Variants in ALG8 observed in about 807,000 individuals in gnomAD.
The protein encoded by ALG8 is ALG8 alpha-1,3-glucosyltransferase.
A neutral mutation model predicts 70.2 loss-of-function variants in ALG8; 48 were observed. That is an observed-to-expected ratio of 0.68 (90% CI 0.54 to 0.87). ALG8 has a LOEUF of 0.87. Ranked by LOEUF, ALG8 falls within the 40% of genes least tolerant of loss-of-function variation. The pLI is 0.00. For missense variants in ALG8, 572 were observed against 608.7 expected (o/e 0.94, Z 0.64); for synonymous variants, 234 against 229.0 (o/e 1.02, Z -0.20).
Position 78,106,936 on chromosome 11 carries a change from A to G in ALG8, c.1049T>C (p.Phe350Ser), listed in dbSNP as rs1565345623. ...CTLIAILPSIFCLWFKPQGPR... is the reference protein window; with the variant it reads ...CTLIAILPSISCLWFKPQGPR... Reference sequence around the variant, plus strand: ...CCCTTGGGGTTTAAACCAAAGACAGAAAATAGAGGGCTAGAAACAACAGGC... The same window carrying G: ...CCCTTGGGGTTTAAACCAAAGACAGGAAATAGAGGGCTAGAAACAACAGGC... Residue 350 changes from phenylalanine (F) to serine (S), a missense_variant, in exon 10 of 13, where the codon TTC becomes TCC. Phe to Ser is a radical substitution (Grantham distance 155). Transcript: ENST00000299626. 1 of 1,614,100 alleles carries G rather than the reference A, an allele frequency of 6.2e-7. No individual in the cohort carries two copies.
At position 78,131,123 on chromosome 11, in the gene ALG8, T is replaced by G. The variant is rs1319213381; in HGVS notation, c.96-3687A>C. The stretch of plus-strand genomic sequence containing the variant: ...AGTCTCTTTTTTGGGTGCTTTATTT[T>G]GTTGTTTCCTATTCAAAACTGTTGG... On this transcript the variant is annotated intron_variant, in intron 1 of 12. Coordinates refer to ENST00000299626, the MANE Select transcript of ALG8 (RefSeq NM_024079.5). Among the ~76,000 whole-genome samples, 4 of 148,110 alleles carry G rather than the reference T, an allele frequency of 2.7e-5. No homozygotes were observed. In the South Asian group the frequency reaches 8.5e-4, roughly 32 times the overall value.
intron 7 of ALG8, among the ~76,000 whole-genome samples, chr11:78,113,682 C>G (rs960167225): frequency 6.8e-6 from 1 of 147,848 alleles, no homozygotes; most frequent in Non-Finnish European, 1.5e-5. Flanking sequence ...CACTGCATTC[C>G]AGCCTGGGCG....
chr11:78,139,106 C>A, intron 1 of ALG8: 1 of 357,224 alleles, frequency 2.8e-6, no homozygotes, highest in South Asian at 2.4e-5. Context: ...CTCCACCCAC[C>A]AACTTCGAGG....
intron 4 of ALG8, 108 bp from the exon 5 acceptor site, chr11:78,119,357 A>G (rs562281844): frequency 2.6e-6 from 2 of 761,170 alleles, no homozygotes; most frequent in Admixed American, 4.1e-5. Flanking sequence ...AATTAAAGAC[A>G]AAAAATACTA....
intron 5 of ALG8, 149 bp from the exon 6 acceptor site, chr11:78,114,541 C>G: frequency 2.1e-6 from 2 of 970,424 alleles, no homozygotes; most frequent in South Asian, 2.9e-5. Context: ...CTTTCTTAGT[C>G]TTGATGAATG....
At chr11:78,106,250 T>G (rs1002440522) in intron 10 of ALG8, among the ~76,000 whole-genome samples, 1 of 152,150 alleles carries the variant, frequency 6.6e-6, no homozygotes, top group African/African-American at 2.4e-5. Flanking sequence ...CAGAATGGAA[T>G]GCAGTGGTGC....
At chr11:78,109,360 C>T (rs1437791010) in intron 9 of ALG8, 82 bp downstream of exon 9, 8 of 1,576,190 alleles carry the variant, frequency 5.1e-6, no homozygotes, top group Admixed American at 1.7e-5. Context: ...GTTGGAAGAG[C>T]TTGAAAGTTG....
At chr11:78,133,018 G>A (rs146436219) in intron 1 of ALG8, among the ~76,000 whole-genome samples, 4,507 of 151,924 alleles carry the variant, frequency 0.03, 87 homozygotes, top group Non-Finnish European at 0.044. Context: ...TGTATTTTCA[G>A]TAGAGACGGG....
chr11:78,106,670 G>A, intron 10 of ALG8, 137 bp downstream of exon 10: 3 of 1,124,480 alleles, frequency 2.7e-6, no homozygotes, highest in Non-Finnish European at 3.9e-6. Context: ...TCCCTGTCCT[G>A]TCCTAGTGGA....
chr11:78,117,951 G>A (rs575684032), intron 5 of ALG8, among the ~76,000 whole-genome samples: 81 of 149,618 alleles, frequency 5.4e-4, no homozygotes, highest in African/African-American at 1.8e-3. Context: ...GGCGCCTGTA[G>A]TCCCAGCTAC....
intron 1 of ALG8, among the ~76,000 whole-genome samples, chr11:78,133,090 C>T (rs1861377495): frequency 6.6e-6 from 1 of 152,142 alleles, no homozygotes; most frequent in African/African-American, 2.4e-5. Context: ...CCGCCTCGGC[C>T]TCCCAAAGTG....
chr11:78,100,973 C>A lies in ALG8; in HGVS notation c.1572G>T (p.Lys524Asn), dbSNP rs1358149138. The change falls in exon 13 of 13, where the codon AAG becomes AAT. Residue 524 changes from lysine (K) to asparagine (N), a missense_variant. Lys to Asn is a moderately conservative substitution (Grantham distance 94, BLOSUM62 0). Coordinates refer to ENST00000299626, the MANE Select transcript of ALG8 (RefSeq NM_024079.5). ...VLIDSAIGKT[K>N]KQ ...TAAGCAGTTCCTTTATTCATTGTTTCTTTGTCTTGCCAATAGCAGAGTCAA... is the reference window on the plus strand; with the variant it reads ...TAAGCAGTTCCTTTATTCATTGTTTATTTGTCTTGCCAATAGCAGAGTCAA... The A allele has an allele frequency of 6.2e-7, 1 of 1,613,752 alleles. No individual in the cohort carries two copies. The highest frequency in any genetic ancestry group is 8.5e-7 in the Non-Finnish European group (1 of 1,179,746).
At chr11:78,122,906 G>C (rs2136923134) in intron 3 of ALG8, among the ~76,000 whole-genome samples, 1 of 152,268 alleles carries the variant, frequency 6.6e-6, no homozygotes, top group African/African-American at 2.4e-5. Flanking sequence ...GTGGGGCAAG[G>C]GTTCAGTGTA....
chr11:78,132,875 C>T (rs1037976256), intron 1 of ALG8, among the ~76,000 whole-genome samples: 8 of 140,392 alleles, frequency 5.7e-5, no homozygotes, highest in South Asian at 2.3e-4. Flanking sequence ...CTCACTCTGT[C>T]GACCAGGTTG....
intron 1 of ALG8, among the ~76,000 whole-genome samples, chr11:78,133,070 C>A (rs369272278): frequency 6.6e-6 from 1 of 152,024 alleles, no homozygotes; most frequent in East Asian, 1.9e-4. Context: ...CTCCTGACCT[C>A]GTGATCCGCC....
chr11:78,114,974 T>A (rs1359972490), intron 5 of ALG8, among the ~76,000 whole-genome samples: 1 of 152,182 alleles, frequency 6.6e-6, no homozygotes, highest in Non-Finnish European at 1.5e-5. Context: ...AGACCCTGTC[T>A]CCAAAATGAA....
At chr11:78,114,900 C>G in intron 5 of ALG8, 1 of 218,588 alleles carries the variant, frequency 4.6e-6, no homozygotes, top group Non-Finnish European at 9.4e-6. Context: ...TGCTTTAGCC[C>G]AGGAGGTGGA....
In ALG8 at chr11:78,139,592, T is replaced by G. The variant is rs1375825019; in HGVS notation, c.-4A>C. ...TGGCAATTGTGAGCGCCGCCATTGC[T>G]GCGGCACCGCACGCTTCCCACCAAC... is the stretch of plus-strand genomic sequence containing the variant. On this transcript the variant is annotated 5_prime_UTR_variant, in exon 1 of 13. Transcript: ENST00000299626. 8 of 1,553,520 alleles carry G rather than the reference T, an allele frequency of 5.1e-6. No homozygotes were observed. The East Asian group carries it at 1.9e-4, about 38-fold the overall frequency.
chr11:78,129,093 T>C lies in ALG8; in HGVS notation c.96-1657A>G, dbSNP rs139874282. Among the ~76,000 whole-genome samples the C allele has an allele frequency of 5.9e-5, 9 of 152,102 alleles. No homozygotes were observed. The East Asian group carries it at 1.5e-3, about 26-fold the overall frequency. ...AGTACGTATACCCAACAGAAATGCA[T>C]AGTATGCTCACTAAAAGACACGTAC... On this transcript the variant is annotated intron_variant, in intron 1 of 12. Transcript: ENST00000299626.
Sources: gnomAD v4.1 joint callset for allele counts (sites outside exome capture counted in the v4.1 genomes callset) on GRCh38, gnomAD v4.1.1 for gene constraint, MANE v1.5 for transcripts, NCBI Gene and HGNC (gene_info 2026-07-23, HGNC 2026-07-21) for gene names.